The following MECOM variants were observed in gnomAD, a reference collection of about 807,000 sequenced individuals.
MECOM encodes the protein MDS1 and EVI1 complex locus.
Under a neutral mutation model 116.3 loss-of-function variants are expected in MECOM, and 13 were observed. The observed-to-expected ratio is 0.11, with a 90% CI of 0.07 to 0.18. MECOM has a LOEUF of 0.18. MECOM is among the 10% of genes least tolerant of loss of function. The probability of loss-of-function intolerance (pLI) is 1.00; values close to 1 mark genes in which losing one functional copy is unlikely to be tolerated. For synonymous variants in MECOM, 528 were observed against 535.2 expected (o/e 0.99, Z 0.19); for missense variants, 1,299 against 1,509.0 (o/e 0.86, Z 2.31).
intron 1 of MECOM, among the ~76,000 whole-genome samples, chr3:169,445,953 T>A (rs903329256): frequency 6.6e-6 from 1 of 152,182 alleles, no homozygotes; most frequent in Non-Finnish European, 1.5e-5. Context: ...TTTCTCCCAT[T>A]TGGAATGGCT....
In MECOM at chr3:169,460,054, G is replaced by A. The variant is rs1441935899; in HGVS notation, c.38-78530C>T. Among the ~76,000 whole-genome samples, 15 of 152,234 alleles carry A rather than the reference G, an allele frequency of 9.9e-5. No individual in the cohort carries two copies. In the East Asian group the frequency reaches 2.7e-3, roughly 27 times the overall value. On this transcript the variant is annotated intron_variant, in intron 1 of 16. Coordinates refer to ENST00000651503, the MANE Select transcript of MECOM (RefSeq NM_004991.4). Reference sequence around the variant, plus strand: ...CAGGCAGATAAACTGAGTCTTGAGAGTTGTTTTGTGGCTTCTGAAGGTCAC... The same window carrying A: ...CAGGCAGATAAACTGAGTCTTGAGAATTGTTTTGTGGCTTCTGAAGGTCAC...
At chr3:169,386,725 C>A (rs1733382405) in intron 1 of MECOM, among the ~76,000 whole-genome samples, 1 of 152,036 alleles carries the variant, frequency 6.6e-6, no homozygotes, top group Non-Finnish European at 1.5e-5. Context: ...TTATTGTCAT[C>A]CATTTCAATT....
chr3:169,465,309 C>T (rs2108757079), intron 1 of MECOM, among the ~76,000 whole-genome samples: 1 of 152,290 alleles, frequency 6.6e-6, no homozygotes, highest in South Asian at 2.1e-4. Flanking sequence ...ATTTGTAAAA[C>T]TGGGATAATA....
chr3:169,560,843 G>T (rs1230371421), intron 1 of MECOM, among the ~76,000 whole-genome samples: 7 of 152,006 alleles, frequency 4.6e-5, no homozygotes, highest in Admixed American at 2.6e-4. Flanking sequence ...TTTGGTTAAA[G>T]ATAGTAGAAT....
In MECOM at chr3:169,429,556, T is replaced by A. The variant is rs147722835; in HGVS notation, c.38-48032A>T. On this transcript the variant is annotated intron_variant, in intron 1 of 16. Transcript: ENST00000651503. ...ATGTTGCATGGATGAGTAAACATATTTTCTACCAGATGAGATGTAAAGTTT... is the reference window on the plus strand; with the variant it reads ...ATGTTGCATGGATGAGTAAACATATATTCTACCAGATGAGATGTAAAGTTT... 4.2e-4 allele frequency among the ~76,000 whole-genome samples: 64 copies of A among 152,298 alleles called. 1 individual carries two copies. Among genetic ancestry groups the A allele is most frequent in the African/African-American group, 1.5e-3 (61 of 41,562 alleles).
chr3:169,622,040 C>T (rs1466703224), intron 1 of MECOM, among the ~76,000 whole-genome samples: 3 of 152,246 alleles, frequency 2.0e-5, no homozygotes, highest in African/African-American at 7.2e-5. Context: ...TCCAAACTCT[C>T]TTTCTTCATA....
intron 1 of MECOM, among the ~76,000 whole-genome samples, chr3:169,537,378 T>C (rs889099830): frequency 6.6e-6 from 1 of 152,196 alleles, no homozygotes; most frequent in Non-Finnish European, 1.5e-5. Context: ...TATTTCAGAA[T>C]GGGTCAAAAG....
At chr3:169,269,967 GGTGTGTGTGTGT>G (rs72249209) in intron 2 of MECOM, among the ~76,000 whole-genome samples, 1 of 149,116 alleles carries the variant, frequency 6.7e-6, no homozygotes, top group African/African-American at 2.4e-5. Context: ...CGTATATAAA[GGTGTGTGTGTGT>G]GTGTGTGTGT....
At chr3:169,497,799 C>A (rs1403214461) in intron 1 of MECOM, among the ~76,000 whole-genome samples, 1 of 152,172 alleles carries the variant, frequency 6.6e-6, no homozygotes, top group African/African-American at 2.4e-5. Flanking sequence ...CATATAAAGT[C>A]AATGTGTTTG....
chr3:169,128,100 A>G (rs1560223468), intron 4 of MECOM, 40 bp from the exon 5 acceptor site: 1 of 1,589,076 alleles, frequency 6.3e-7, no homozygotes, highest in Non-Finnish European at 8.6e-7. Context: ...GGTGGTCAGG[A>G]ATTGCCATCA....
chr3:169,264,641 T>C (rs1403259652), intron 2 of MECOM, among the ~76,000 whole-genome samples: 1 of 152,120 alleles, frequency 6.6e-6, no homozygotes, highest in Admixed American at 6.5e-5. Context: ...ACCTAGGAAA[T>C]AAATAATCAG....
At chr3:169,620,741 G>A (rs1359803080) in intron 1 of MECOM, among the ~76,000 whole-genome samples, 1 of 152,204 alleles carries the variant, frequency 6.6e-6, no homozygotes, top group Non-Finnish European at 1.5e-5. Flanking sequence ...AGCAAGCAAA[G>A]GTCCAGGCCT....
intron 2 of MECOM, among the ~76,000 whole-genome samples, chr3:169,152,969 G>A (rs539295687): frequency 6.6e-6 from 1 of 152,162 alleles, no homozygotes; most frequent in Non-Finnish European, 1.5e-5. Flanking sequence ...TGAAACAACC[G>A]CTCTGGTGAA....
At position 169,102,165 on chromosome 3, in the gene MECOM, G is replaced by A; in HGVS notation, c.2666C>T (p.Ala889Val). ...GGGCACTGACTGTAAGAGCTCACTG[G>A]CCTCAGGTTTCAGGGCACTGAAGCT... ...LESFSALKPE[A>V]SELLQSVPSM... Residue 889 changes from alanine (A) to valine (V), a missense_variant, in exon 11 of 17, where the codon GCC becomes GTC. Ala to Val is a moderately conservative substitution (Grantham distance 64). Transcript: ENST00000651503. The A allele has an allele frequency of 6.2e-7, 1 of 1,613,866 alleles. No homozygotes were observed. Among genetic ancestry groups the A allele is most frequent in the Non-Finnish European group, 8.5e-7 (1 of 1,179,852 alleles).
intron 7 of MECOM, among the ~76,000 whole-genome samples, chr3:169,120,318 A>T (rs1296719238): frequency 6.6e-6 from 1 of 152,220 alleles, no homozygotes; most frequent in Non-Finnish European, 1.5e-5. Context: ...AAGAAAAAGC[A>T]AATGAGAGCT....
At chr3:169,478,808 T>C in intron 1 of MECOM, among the ~76,000 whole-genome samples, 1 of 152,124 alleles carries the variant, frequency 6.6e-6, no homozygotes. Flanking sequence ...ACCATTTACG[T>C]CATTTTAGGC....
intron 8 of MECOM, among the ~76,000 whole-genome samples, chr3:169,113,517 A>G (rs1728122665): frequency 6.6e-6 from 1 of 151,876 alleles, no homozygotes; most frequent in African/African-American, 2.4e-5. Context: ...AGGCAGGCAG[A>G]TAGAATGGGT....
At chr3:169,474,986 G>C (rs1390934063) in intron 1 of MECOM, among the ~76,000 whole-genome samples, 2 of 152,102 alleles carry the variant, frequency 1.3e-5, no homozygotes, top group African/African-American at 4.8e-5. Flanking sequence ...GCTAGTAGGG[G>C]CCAAGCTGAG....
intron 2 of MECOM, among the ~76,000 whole-genome samples, chr3:169,293,720 A>G (rs1179939230): frequency 6.6e-6 from 1 of 152,166 alleles, no homozygotes; most frequent in Non-Finnish European, 1.5e-5. Context: ...CTTTGCCCCT[A>G]CTAAAAAGTC....
Sources: gnomAD v4.1 joint callset for allele counts (sites outside exome capture counted in the v4.1 genomes callset) on GRCh38, gnomAD v4.1.1 for gene constraint, MANE v1.5 for transcripts, NCBI Gene and HGNC (gene_info 2026-07-23, HGNC 2026-07-21) for gene names.